The following ERBB4 variants were observed in gnomAD, a reference collection of about 807,000 sequenced individuals.
The protein encoded by ERBB4 is erb-b2 receptor tyrosine kinase 4.
A neutral mutation model predicts 158.0 loss-of-function variants in ERBB4; 42 were observed. The observed-to-expected ratio is 0.27, with a 90% CI of 0.21 to 0.34. ERBB4 has a LOEUF of 0.34. Ranked by LOEUF, ERBB4 falls within the 10% of genes least tolerant of loss-of-function variation. The pLI is 1.00. For synonymous variants in ERBB4, 583 were observed against 558.7 expected (o/e 1.04, Z -0.61); for missense variants, 1,333 against 1,624.1 (o/e 0.82, Z 3.08).
intron 3 of ERBB4, among the ~76,000 whole-genome samples, chr2:211,900,768 AC>A (rs961942120): frequency 6.6e-6 from 1 of 152,116 alleles, no homozygotes; most frequent in Non-Finnish European, 1.5e-5. Context: ...TTTATAAGTA[AC>A]CCAGTTTATT....
At chr2:212,053,434 C>G (rs1241450136) in intron 2 of ERBB4, among the ~76,000 whole-genome samples, 1 of 152,114 alleles carries the variant, frequency 6.6e-6, no homozygotes, top group Non-Finnish European at 1.5e-5. Flanking sequence ...CCTCTGCCAC[C>G]TCATAGTATG....
intron 25 of ERBB4, among the ~76,000 whole-genome samples, chr2:211,411,534 A>C (rs1215155647): frequency 1.3e-5 from 2 of 152,224 alleles, no homozygotes; most frequent in South Asian, 4.1e-4. Context: ...CAAATTATCC[A>C]GCCACACCTC....
At chr2:211,931,319 T>A (rs1278039029) in intron 3 of ERBB4, among the ~76,000 whole-genome samples, 1 of 152,130 alleles carries the variant, frequency 6.6e-6, no homozygotes, top group Non-Finnish European at 1.5e-5. Flanking sequence ...ACTATTATTA[T>A]AGCACGTTGT....
chr2:212,280,196 C>A (rs1019682518), intron 1 of ERBB4, among the ~76,000 whole-genome samples: 16 of 151,668 alleles, frequency 1.1e-4, no homozygotes, highest in African/African-American at 3.9e-4. Flanking sequence ...ACCAGCCACC[C>A]AGTTGCTCTC....
At chr2:211,921,205 T>C (rs531557665) in intron 3 of ERBB4, among the ~76,000 whole-genome samples, 25 of 152,156 alleles carry the variant, frequency 1.6e-4, no homozygotes, top group Middle Eastern at 3.4e-3. Flanking sequence ...AATCTGTAGA[T>C]TGAGCTTCAG....
intron 1 of ERBB4, among the ~76,000 whole-genome samples, chr2:212,506,159 A>G (rs1225071666): frequency 6.7e-6 from 1 of 148,550 alleles, no homozygotes; most frequent in Non-Finnish European, 1.5e-5. Flanking sequence ...TACTATTGTA[A>G]TTGTTTTGAG....
intron 20 of ERBB4, among the ~76,000 whole-genome samples, chr2:211,521,154 G>A (rs1324914234): frequency 3.3e-5 from 5 of 152,168 alleles, no homozygotes; most frequent in Non-Finnish European, 1.5e-5. Flanking sequence ...AGGAAGGCAT[G>A]TTGAAACCCA....
chr2:211,617,983 C>A (rs1032081352), intron 19 of ERBB4, among the ~76,000 whole-genome samples: 1 of 151,934 alleles, frequency 6.6e-6, no homozygotes. Context: ...TAATTTTATT[C>A]CATCCTACTC....
chr2:212,213,874 G>A (rs1440684742), intron 1 of ERBB4, among the ~76,000 whole-genome samples: 2 of 151,734 alleles, frequency 1.3e-5, no homozygotes, highest in Non-Finnish European at 2.9e-5. Flanking sequence ...AGGCCAAAAG[G>A]CAATGGGAGT....
intron 1 of ERBB4, among the ~76,000 whole-genome samples, chr2:212,440,519 C>A (rs2092231892): frequency 6.6e-6 from 1 of 152,104 alleles, no homozygotes; most frequent in Admixed American, 6.5e-5. Context: ...CCTATTAGTT[C>A]TATCCCTCTA....
intron 1 of ERBB4, among the ~76,000 whole-genome samples, chr2:212,331,819 A>C (rs2088189934): frequency 6.6e-6 from 1 of 152,160 alleles, no homozygotes; most frequent in South Asian, 2.1e-4. Flanking sequence ...ACAGTAATTT[A>C]CCTGCTGTAT....
intron 2 of ERBB4, among the ~76,000 whole-genome samples, chr2:212,059,539 A>G (rs2077693209): frequency 6.6e-6 from 1 of 152,198 alleles, no homozygotes; most frequent in Non-Finnish European, 1.5e-5. Context: ...CTGATGTCAA[A>G]CTATACTACA....
intron 25 of ERBB4, among the ~76,000 whole-genome samples, chr2:211,400,945 A>G (rs1459363001): frequency 1.3e-5 from 2 of 152,106 alleles, no homozygotes; most frequent in Non-Finnish European, 2.9e-5. Context: ...AAAAATTTTT[A>G]AAAAGTTTAA....
chr2:211,810,372 T>A (rs1388356434), intron 3 of ERBB4, among the ~76,000 whole-genome samples: 4 of 152,204 alleles, frequency 2.6e-5, no homozygotes, highest in Non-Finnish European at 4.4e-5. Context: ...ATCTGGGTAA[T>A]CCTGTATTGG....
intron 1 of ERBB4, among the ~76,000 whole-genome samples, chr2:212,232,532 C>T (rs975221173): frequency 1.3e-5 from 2 of 152,176 alleles, no homozygotes; most frequent in African/African-American, 4.8e-5. Flanking sequence ...CCTCTGCCTT[C>T]TGAGTAACTG....
At chr2:211,453,733 T>C (rs1282070776) in intron 20 of ERBB4, among the ~76,000 whole-genome samples, 2 of 152,196 alleles carry the variant, frequency 1.3e-5, no homozygotes, top group Non-Finnish European at 2.9e-5. Context: ...TAGACGTATT[T>C]GGTGTTAGAT....
At chr2:212,086,483 T>C (rs962373949) in intron 2 of ERBB4, among the ~76,000 whole-genome samples, 1 of 152,034 alleles carries the variant, frequency 6.6e-6, no homozygotes, top group Non-Finnish European at 1.5e-5. Flanking sequence ...TTAAATTCTA[T>C]GATTTTTTAT....
At chr2:211,471,411 T>C (rs758500966) in intron 20 of ERBB4, among the ~76,000 whole-genome samples, 14 of 152,098 alleles carry the variant, frequency 9.2e-5, no homozygotes, top group Non-Finnish European at 2.9e-5. Context: ...TAAATCTGAA[T>C]TAATAAGTAA....
intron 2 of ERBB4, among the ~76,000 whole-genome samples, chr2:212,057,794 A>G (rs866224549): frequency 1.8e-4 from 28 of 152,200 alleles, no homozygotes; most frequent in South Asian, 6.2e-4. Context: ...TGTAGAGGGA[A>G]ATTTATAGCA....
Sources: gnomAD v4.1 joint callset for allele counts (sites outside exome capture counted in the v4.1 genomes callset) on GRCh38, gnomAD v4.1.1 for gene constraint, MANE v1.5 for transcripts, NCBI Gene and HGNC (gene_info 2026-07-23, HGNC 2026-07-21) for gene names.